PCSK5: variants seen among roughly 807,000 people sequenced by gnomAD.
PCSK5 encodes the protein proprotein convertase subtilisin/kexin type 5, also known as prohormone convertase 5.
PCSK5 carries 129 observed loss-of-function variants against 233.2 expected under a neutral mutation model. The observed-to-expected ratio is 0.55, with a 90% confidence interval of 0.48 to 0.64. The LOEUF (loss-of-function observed/expected upper bound fraction) is 0.64, where lower values mean the gene tolerates loss of function less well. Among genes scored for constraint, PCSK5 ranks in the 30% least tolerant of loss-of-function variants. The pLI is 0.00. For synonymous variants in PCSK5, 825 were observed against 879.2 expected (o/e 0.94, Z 1.09); for missense variants, 2,076 against 2,430.1 (o/e 0.85, Z 3.06).
intron 1 of PCSK5, among the ~76,000 whole-genome samples, chr9:75,911,039 C>T (rs527739057): frequency 5.3e-5 from 8 of 152,074 alleles, no homozygotes; most frequent in African/African-American, 1.7e-4. Context: ...TGCCGATTTG[C>T]GATCTGTTAA....
At chr9:75,964,993 G>A (rs1425544337) in intron 2 of PCSK5, among the ~76,000 whole-genome samples, 1 of 152,274 alleles carries the variant, frequency 6.6e-6, no homozygotes, top group East Asian at 1.9e-4. Flanking sequence ...CCAGAGGCAG[G>A]CCTGAGGGGG....
intron 10 of PCSK5, among the ~76,000 whole-genome samples, chr9:76,145,366 T>TGTAAACATTGCATGGAGTGCCA (rs1459191241): frequency 2.0e-5 from 3 of 152,170 alleles, no homozygotes; most frequent in African/African-American, 7.2e-5. Flanking sequence ...GGTGGAGTGC[T>TGTAAACATTGCATGGAGTGCCA]TGTAAACATT....
intron 20 of PCSK5, among the ~76,000 whole-genome samples, chr9:76,223,606 A>C (rs1825796610): frequency 6.6e-6 from 1 of 152,188 alleles, no homozygotes; most frequent in South Asian, 2.1e-4. Flanking sequence ...CCATTATAGC[A>C]TAGGATGAGA....
chr9:76,323,088 G>T lies in PCSK5; in HGVS notation c.4139G>T (p.Cys1380Phe). The change falls in exon 32 of 38, where the codon TGC becomes TTC. Residue 1380 changes from cysteine to phenylalanine, a missense_variant. Physicochemically the swap from Cys to Phe is radical, Grantham distance 205. Around this residue, in one of 6 missense-constraint regions of PCSK5, gnomAD observed 1,510 missense variants for 1,538.1 expected, o/e 0.98. Transcript: ENST00000674117. ...GAGTTCTTCCTGCACGATGATATGT[G>T]CCACCAGTCCTGTCCCCGTGGCTTC... ...TPEFFLHDDM[C>F]HQSCPRGFYA... 6.2e-7 allele frequency: 1 copy of T among 1,609,132 alleles called. No individual in the cohort carries two copies. Among genetic ancestry groups the T allele is most frequent in the South Asian group, 1.1e-5 (1 of 90,346 alleles).
At position 76,227,510 on chromosome 9, in the gene PCSK5, T is replaced by A. The variant is rs751206890; in HGVS notation, c.2634T>A (p.Tyr878Ter). Residue 878 changes from tyrosine (Y) to a stop codon, truncating the protein, a stop_gained, in exon 21 of 38, where the codon TAT (tyrosine) becomes TAA (stop). Coordinates refer to ENST00000674117, the MANE Select transcript of PCSK5 (RefSeq NM_001372043.1). LOFTEE classifies it high-confidence loss of function. ...CTAGATTTTGTTCCCCAGGAGAATA[T>A]GTTGATGAGCATGGCCACTGCCAGA... Reference protein sequence around the residue: ...QMGAICKDGEYVDEHGHCQTC... With the variant: ...QMGAICKDGE The A allele has an allele frequency of 6.2e-7, 1 of 1,609,894 alleles. No individual in the cohort carries two copies. The highest frequency in any genetic ancestry group is 8.5e-7 in the Non-Finnish European group (1 of 1,177,920).
chr9:76,235,880 T>C (rs1457765179), intron 22 of PCSK5, among the ~76,000 whole-genome samples: 2 of 152,206 alleles, frequency 1.3e-5, no homozygotes, highest in African/African-American at 4.8e-5. Flanking sequence ...CTGAAGAAGA[T>C]GGATGACTTA....
chr9:76,353,799 C>A (rs918678771), intron 36 of PCSK5, among the ~76,000 whole-genome samples: 1 of 152,242 alleles, frequency 6.6e-6, no homozygotes, highest in African/African-American at 2.4e-5. Flanking sequence ...GACGTCTGCT[C>A]TCCCACTGTT....
At chr9:75,990,115 TG>T (rs1214891760) in intron 3 of PCSK5, among the ~76,000 whole-genome samples, 2 of 152,156 alleles carry the variant, frequency 1.3e-5, no homozygotes, top group Non-Finnish European at 2.9e-5. Flanking sequence ...TGGGCATTCT[TG>T]GGAGTATTGT....
intron 2 of PCSK5, among the ~76,000 whole-genome samples, chr9:75,975,022 C>G (rs977498565): frequency 1.3e-5 from 2 of 152,104 alleles, no homozygotes; most frequent in African/African-American, 4.8e-5. Flanking sequence ...TAAATTCTGA[C>G]AGTGAAGAGA....
chr9:76,297,405 G>T (rs1207979957), intron 27 of PCSK5, among the ~76,000 whole-genome samples: 2 of 152,128 alleles, frequency 1.3e-5, no homozygotes, highest in African/African-American at 4.8e-5. Flanking sequence ...GCCTTTAAAA[G>T]TTGCTCTTCC....
intron 2 of PCSK5, among the ~76,000 whole-genome samples, chr9:75,937,568 C>T (rs762051133): frequency 2.6e-5 from 4 of 152,188 alleles, no homozygotes; most frequent in Non-Finnish European, 5.9e-5. Context: ...GCTCCGTTAG[C>T]CCCTAACACG....
At chr9:76,234,674 T>C (rs1236448518) in intron 22 of PCSK5, among the ~76,000 whole-genome samples, 2 of 152,238 alleles carry the variant, frequency 1.3e-5, no homozygotes, top group Non-Finnish European at 2.9e-5. Flanking sequence ...AAGGTGATGA[T>C]AATGCTTACT....
rs553542037 is a variant in PCSK5, at chr9:76,046,559, CTTTTTTTTTTTTTTT to C, written c.632+19527_632+19541del. On this transcript the variant is annotated intron_variant, in intron 5 of 37. Coordinates refer to ENST00000674117, the MANE Select transcript of PCSK5 (RefSeq NM_001372043.1). ...TAGTTCTTTTTTTTTCTTTCTTTTTCTTTTTTTTTTTTTTTTTTTGAGACGGAGTGTGGCTCTGTT... is the reference window on the plus strand; with the variant it reads ...TAGTTCTTTTTTTTTCTTTCTTTTTCTTTTGAGACGGAGTGTGGCTCTGTT... Among the ~76,000 whole-genome samples, 3 of 104,806 alleles carry C rather than the reference CTTTTTTTTTTTTTTT, an allele frequency of 2.9e-5. No individual in the cohort carries two copies. The Admixed American group carries it at 3.2e-4, about 11-fold the overall frequency. 68.8% of individuals were successfully genotyped at this position (104,806 alleles called of 152,430 possible).
chr9:76,081,505 A>G (rs1002726504), intron 7 of PCSK5, among the ~76,000 whole-genome samples: 1 of 152,088 alleles, frequency 6.6e-6, no homozygotes. Context: ...ATAAATAAAT[A>G]CATAAAAGCA....
chr9:76,324,066 C>T (rs1168406308), intron 32 of PCSK5, among the ~76,000 whole-genome samples: 1 of 151,464 alleles, frequency 6.6e-6, no homozygotes, highest in African/African-American at 2.4e-5. Flanking sequence ...ACTGGGACTA[C>T]AGGCGTGTGC....
At chr9:76,193,450 C>CCTCTCT (rs1385278131) in intron 20 of PCSK5, 1 of 868,838 alleles carries the variant, frequency 1.2e-6, no homozygotes. Flanking sequence ...AAGCAAGCCA[C>CCTCTCT]CTCTCTCTTT....
chr9:76,102,515 G>C (rs189736975), intron 8 of PCSK5, among the ~76,000 whole-genome samples: 270 of 152,164 alleles, frequency 1.8e-3, no homozygotes, highest in African/African-American at 6.4e-3. Flanking sequence ...GTGTCATTTT[G>C]GCGTCCCAAA....
At chr9:76,053,837 G>A (rs924794121) in intron 5 of PCSK5, among the ~76,000 whole-genome samples, 6 of 152,140 alleles carry the variant, frequency 3.9e-5, no homozygotes, top group Non-Finnish European at 7.3e-5. Context: ...CAGTTCCAAA[G>A]TCACTTCCAC....
chr9:75,951,807 T>C (rs1019287577), intron 2 of PCSK5, among the ~76,000 whole-genome samples: 1 of 152,146 alleles, frequency 6.6e-6, no homozygotes, highest in Admixed American at 6.5e-5. Context: ...TTACAGGGCA[T>C]TTACATTGTA....
Sources: allele counts gnomAD v4.1 joint callset (sites outside exome capture counted in the v4.1 genomes callset), GRCh38; gene constraint gnomAD v4.1.1; regional missense constraint gnomAD v4.1.1; transcripts MANE v1.5; gene names NCBI Gene and HGNC (gene_info 2026-07-23, HGNC 2026-07-21).